The following DYNC2H1 variants were observed in gnomAD, a reference collection of about 807,000 sequenced individuals.
DYNC2H1 encodes the protein cytoplasmic dynein 2 heavy chain 1.
Under a neutral mutation model 570.0 loss-of-function variants are expected in DYNC2H1, and 410 were observed. That is an observed-to-expected ratio of 0.72 (90% confidence interval 0.66 to 0.78). The LOEUF (loss-of-function observed/expected upper bound fraction) is 0.78. Ranked by LOEUF, DYNC2H1 falls within the 30% of genes least tolerant of loss-of-function variation. The probability of loss-of-function intolerance (pLI) is 0.00; values close to 1 mark genes in which losing one functional copy is unlikely to be tolerated. For missense variants in DYNC2H1, 4,865 were observed against 5,046.4 expected (o/e 0.96, Z 1.09); for synonymous variants, 1,688 against 1,677.6 (o/e 1.01, Z -0.15).
In DYNC2H1 at chr11:103,243,838, T is replaced by C; in HGVS notation, c.9918+47T>C. ...CATACCAATTAGGAATGACCTCTTATAGTGAAAAGATCTTGGAGTCTATAA... is the reference window on the plus strand; with the variant it reads ...CATACCAATTAGGAATGACCTCTTACAGTGAAAAGATCTTGGAGTCTATAA... On this transcript the variant is annotated intron_variant, in intron 64 of 88. Coordinates refer to ENST00000375735, the MANE Select transcript of DYNC2H1 (RefSeq NM_001377.3). The surrounding 1 kb of genome is among the most constrained non-coding windows in gnomAD (Gnocchi z 4.8). The C allele has an allele frequency of 2.1e-6, 3 of 1,410,632 alleles. No homozygotes were observed. Among genetic ancestry groups the C allele is most frequent in the Non-Finnish European group, 2.9e-6 (3 of 1,028,728 alleles). The allele number at this position is 1,410,632 out of a possible 1,614,324, so 87.4% of individuals were successfully genotyped here.
intron 75 of DYNC2H1, 26 bp from the exon 76 acceptor site, chr11:103,303,067 T>C (rs768046087): frequency 2.0e-4 from 280 of 1,402,760 alleles, no homozygotes; most frequent in Non-Finnish European, 2.4e-4. Context: ...TGCTTTTATT[T>C]TTAATTTTTA....
chr11:103,254,872 A>G lies in DYNC2H1; in HGVS notation c.10207-543A>G, dbSNP rs1864985916. Among the ~76,000 whole-genome samples, 1 of 151,988 alleles carries G rather than the reference A, an allele frequency of 6.6e-6. No homozygotes were observed. The highest frequency in any genetic ancestry group is 2.4e-5 in the African/African-American group (1 of 41,388). On this transcript the variant is annotated intron_variant, in intron 66 of 88. Transcript: ENST00000375735. The surrounding 1 kb of genome is among the most constrained non-coding windows in gnomAD (Gnocchi z 4.9). ...CTGTAACTTCTGCCTCCTAGGTTTA[A>G]GCTATTCTCCTGCCTCAGCCTCCCG...
At chr11:103,466,891 C>T (rs4754940) in intron 87 of DYNC2H1, among the ~76,000 whole-genome samples, 24,803 of 151,920 alleles carry the variant, frequency 0.16, 2,188 homozygotes, top group Admixed American at 0.25. Flanking sequence ...CTTCAACCTA[C>T]CTAGAGAAAT....
At chr11:103,293,627 C>T (rs1431794671) in intron 75 of DYNC2H1, among the ~76,000 whole-genome samples, 1 of 150,942 alleles carries the variant, frequency 6.6e-6, no homozygotes, top group Non-Finnish European at 1.5e-5. Context: ...TTCTTTTTCT[C>T]CTCTATATTT....
At chr11:103,271,748 T>C (rs1865716951) in intron 70 of DYNC2H1, among the ~76,000 whole-genome samples, 2 of 152,238 alleles carry the variant, frequency 1.3e-5, no homozygotes, top group South Asian at 4.1e-4. Flanking sequence ...AACTAAGATT[T>C]ACAGCTAATA....
intron 70 of DYNC2H1, among the ~76,000 whole-genome samples, chr11:103,266,735 G>A (rs753827395): frequency 9.9e-5 from 15 of 152,284 alleles, no homozygotes; most frequent in Middle Eastern, 3.4e-3. Flanking sequence ...CAGCTCTGCT[G>A]GAGCTGTCTG....
intron 1 of DYNC2H1, among the ~76,000 whole-genome samples, chr11:103,110,835 T>C (rs1251522528): frequency 4.6e-5 from 7 of 152,058 alleles, no homozygotes; most frequent in Non-Finnish European, 1.0e-4. Context: ...TTTTTTTTTT[T>C]TAGACGCAGT....
chr11:103,312,070 TATATTTTTGTATGTTAAA>T (rs752775037), intron 79 of DYNC2H1, 37 bp downstream of exon 79: 2 of 1,566,128 alleles, frequency 1.3e-6, no homozygotes, highest in Non-Finnish European at 1.7e-6. Flanking sequence ...TTCTAAGCTT[TATATTTTTGTATGTTAAA>T]ATATTTTTGT....
At chr11:103,429,836 C>A (rs1456178343) in intron 84 of DYNC2H1, among the ~76,000 whole-genome samples, 1 of 152,142 alleles carries the variant, frequency 6.6e-6, no homozygotes, top group Non-Finnish European at 1.5e-5. Flanking sequence ...CATTTCTTCT[C>A]CTTTTCTTAA....
Position 103,221,188 on chromosome 11 carries a change from C to T in DYNC2H1, c.9107+405C>T, listed in dbSNP as rs559139071. Among the ~76,000 whole-genome samples the T allele has an allele frequency of 1.3e-5, 2 of 151,802 alleles. 1 individual carries two copies. Among genetic ancestry groups the T allele is most frequent in the South Asian group, 4.2e-4 (2 of 4,770 alleles). ...AGAGACAGAAACAGAAAGAGGGAGA[C>T]CCTTAAATAATAAAAGGGAGCTGCA... On this transcript the variant is annotated intron_variant, in intron 57 of 88. Transcript: ENST00000375735.
Position 103,177,858 on chromosome 11 carries a change from A to ATTATTTTTTTTTTTTTTT in DYNC2H1, c.6139+40_6139+41insATTTTTTTTTTTTTTTTT. On this transcript the variant is annotated intron_variant, in intron 38 of 88. Coordinates refer to ENST00000375735, the MANE Select transcript of DYNC2H1 (RefSeq NM_001377.3). The surrounding 1 kb of genome is among the most constrained non-coding windows in gnomAD (Gnocchi z 4.4). Reference sequence around the variant, plus strand: ...GTATACTTCTTTGCTTTACTTAGTAATTCTTAGATAATGATATAATTTGTC... The same window carrying ATTATTTTTTTTTTTTTTT: ...GTATACTTCTTTGCTTTACTTAGTAATTATTTTTTTTTTTTTTTTTCTTAGATAATGATATAATTTGTC... 1 of 1,560,862 alleles carries ATTATTTTTTTTTTTTTTT rather than the reference A, an allele frequency of 6.4e-7. No individual in the cohort carries two copies. Among genetic ancestry groups the ATTATTTTTTTTTTTTTTT allele is most frequent in the Non-Finnish European group, 8.6e-7 (1 of 1,162,532 alleles).
rs950247878 is a variant in DYNC2H1 at position 103,228,180 on chromosome 11, C to T, written c.9354-3080C>T. ...TTAAGTGGAGCATTTACGCCATTTA[C>T]GTTCAGTGTTAGTATTGAGATGGGA... On this transcript the variant is annotated intron_variant, in intron 59 of 88. Coordinates refer to ENST00000375735, the MANE Select transcript of DYNC2H1 (RefSeq NM_001377.3). This position sits in a 1 kb window ranked among gnomAD's most constrained non-coding sequence, Gnocchi z 6.1. Among the ~76,000 whole-genome samples the T allele has an allele frequency of 2.6e-5, 4 of 152,096 alleles. No homozygotes were observed. The highest frequency in any genetic ancestry group is 5.9e-5 in the Non-Finnish European group (4 of 68,022).
rs1222224392 is a variant in DYNC2H1 at position 103,205,299 on chromosome 11, A to G, written c.8454+335A>G. Among the ~76,000 whole-genome samples, 1 of 152,214 alleles carries G rather than the reference A, an allele frequency of 6.6e-6. No individual in the cohort carries two copies. Among genetic ancestry groups the G allele is most frequent in the East Asian group, 1.9e-4 (1 of 5,200 alleles). On this transcript the variant is annotated intron_variant, in intron 52 of 88. Coordinates refer to ENST00000375735, the MANE Select transcript of DYNC2H1 (RefSeq NM_001377.3). This position sits in a 1 kb window ranked among gnomAD's most constrained non-coding sequence, Gnocchi z 4.5. ...CAATTAAAGAATTTTTAAATCCTTA[A>G]AAAATATCATCACTATGCTGTGTGT...
chr11:103,266,158 C>T (rs562499380), intron 70 of DYNC2H1, among the ~76,000 whole-genome samples: 10 of 152,238 alleles, frequency 6.6e-5, no homozygotes, highest in African/African-American at 2.4e-4. Flanking sequence ...TTTCATAGTG[C>T]GGTTACAGTG....
chr11:103,269,922 C>T (rs192666820), intron 70 of DYNC2H1, among the ~76,000 whole-genome samples: 5 of 151,954 alleles, frequency 3.3e-5, no homozygotes, highest in South Asian at 2.1e-4. Context: ...GAGCTGGGTG[C>T]GGTGGTTCAC....
At chr11:103,424,266 C>CA (rs34152391) in intron 84 of DYNC2H1, among the ~76,000 whole-genome samples, 84,311 of 151,912 alleles carry the variant, frequency 0.55, 24,045 homozygotes, top group East Asian at 0.72. Context: ...TCAGTAAAAA[C>CA]ATTTTTTAAA....
chr11:103,420,882 A>C (rs1314937203), intron 84 of DYNC2H1, among the ~76,000 whole-genome samples: 1 of 152,220 alleles, frequency 6.6e-6, no homozygotes, highest in Non-Finnish European at 1.5e-5. Context: ...TAACAGTACT[A>C]ATCTTAAAAG....
rs1162175718 is a variant in DYNC2H1 at position 103,446,994 on chromosome 11, G to T, written c.12457-8192G>T. Among the ~76,000 whole-genome samples, 3 of 152,010 alleles carry T rather than the reference G, an allele frequency of 2.0e-5. No homozygotes were observed. The highest frequency in any genetic ancestry group is 2.9e-5 in the Non-Finnish European group (2 of 67,974). ...TTTTAATAATCTTGTTTCCCATAGT[G>T]GTTCAGGTTCTGCATGAACACCATC... On this transcript the variant is annotated intron_variant, in intron 85 of 88. Transcript: ENST00000375735. This position sits in a 1 kb window ranked among gnomAD's most constrained non-coding sequence, Gnocchi z 4.5.
rs191626470 is a variant in DYNC2H1 at position 103,258,855 on chromosome 11, G to A, written c.10606-1033G>A. 2.0e-3 allele frequency among the ~76,000 whole-genome samples: 310 copies of A among 152,268 alleles called. 1 individual carries two copies. The highest frequency in any genetic ancestry group is 7.2e-3 in the African/African-American group (299 of 41,530). Reference sequence around the variant, plus strand: ...CTGGATCTTGTAGGTACAGTACTGTGTCTTATGATAGAGTGACTTTTAGGA... The same window carrying A: ...CTGGATCTTGTAGGTACAGTACTGTATCTTATGATAGAGTGACTTTTAGGA... On this transcript the variant is annotated intron_variant, in intron 69 of 88. Coordinates refer to ENST00000375735, the MANE Select transcript of DYNC2H1 (RefSeq NM_001377.3).
Sources: gnomAD v4.1 joint callset for allele counts (sites outside exome capture counted in the v4.1 genomes callset) on GRCh38, gnomAD v4.1.1 for gene constraint, Gnocchi (gnomAD v3.1) non-coding constraint, MANE v1.5 for transcripts, NCBI Gene and HGNC (gene_info 2026-07-23, HGNC 2026-07-21) for gene names.